The following SCAMP4 variants were observed in gnomAD, a reference collection of about 807,000 sequenced individuals.
SCAMP4 encodes the protein secretory carrier membrane protein 4.
SCAMP4 carries 19 observed loss-of-function variants against 32.1 expected under a neutral mutation model. The observed-to-expected ratio is 0.59, with a 90% CI of 0.41 to 0.87. The LOEUF (loss-of-function observed/expected upper bound fraction) is 0.87. SCAMP4 is among the 40% of genes least tolerant of loss of function. The pLI is 0.00. For synonymous variants in SCAMP4, 152 were observed against 132.7 expected (o/e 1.15, Z -1.00); for missense variants, 302 against 309.0 (o/e 0.98, Z 0.17).
chr19:1,912,398 G>T (rs779532888), intron 1 of SCAMP4: 1 of 1,515,734 alleles, frequency 6.6e-7, no homozygotes, highest in Non-Finnish European at 8.8e-7. Flanking sequence ...GGCCGGCCTC[G>T]GGCCCGCGCT....
At chr19:1,920,605 C>T (rs2013888543) in intron 5 of SCAMP4, 1 of 985,520 alleles carries the variant, frequency 1.0e-6, no homozygotes, top group Non-Finnish European at 1.2e-6. Flanking sequence ...GTGCCTGGGA[C>T]TCCCAGCTCT....
chr19:1,907,353 T>G, intron 1 of SCAMP4, among the ~76,000 whole-genome samples: 1 of 133,760 alleles, frequency 7.5e-6, no homozygotes, highest in Middle Eastern at 4.0e-3. Flanking sequence ...GGCCCCTCCA[T>G]CCCCCCATTT....
intron 6 of SCAMP4, 94 bp downstream of exon 6, chr19:1,923,281 G>T (rs2013978990): frequency 2.7e-6 from 3 of 1,095,362 alleles, no homozygotes; most frequent in Non-Finnish European, 3.9e-6. Context: ...GAGGAGCCGG[G>T]CCCTCTCCCC....
intron 5 of SCAMP4, 59 bp downstream of exon 5, chr19:1,919,049 G>A: frequency 1.3e-6 from 2 of 1,561,020 alleles, no homozygotes; most frequent in East Asian, 2.4e-5. Context: ...CAGGTTGTGG[G>A]CCTGCTGGGA....
At chr19:1,923,279 G>T in intron 6 of SCAMP4, 92 bp downstream of exon 6, 1 of 1,125,604 alleles carries the variant, frequency 8.9e-7, no homozygotes, top group Non-Finnish European at 1.2e-6. Flanking sequence ...TCGAGGAGCC[G>T]GGCCCTCTCC....
At chr19:1,922,953 G>A in intron 5 of SCAMP4, 117 bp from the exon 6 acceptor site, 1 of 1,367,764 alleles carries the variant, frequency 7.3e-7, no homozygotes, top group Non-Finnish European at 9.4e-7. Flanking sequence ...CCTTGTATGA[G>A]CTGTCCACTC....
chr19:1,917,260 C>T (rs978184093), intron 2 of SCAMP4, among the ~76,000 whole-genome samples: 2 of 152,168 alleles, frequency 1.3e-5, no homozygotes, highest in African/African-American at 2.4e-5. Flanking sequence ...GAGCCGAGAT[C>T]GCACCACTGC....
intron 2 of SCAMP4, 70 bp from the exon 3 acceptor site, chr19:1,917,624 G>A (rs775820007): frequency 2.5e-6 from 4 of 1,589,974 alleles, no homozygotes; most frequent in Middle Eastern, 1.7e-4. Context: ...GCCTTGGGTC[G>A]AAGGGATGAG....
chr19:1,912,042 C>G (rs913815353), intron 1 of SCAMP4: 1 of 1,416,620 alleles, frequency 7.1e-7, no homozygotes, highest in East Asian at 2.8e-5. Flanking sequence ...CGCCCGCAGC[C>G]GCCGGATGAT....
chr19:1,916,532 C>CACT (rs1341908760), intron 2 of SCAMP4, among the ~76,000 whole-genome samples: 8 of 152,174 alleles, frequency 5.3e-5, no homozygotes, highest in African/African-American at 1.9e-4. Context: ...GATCATAGCT[C>CACT]ACTGCAGCTT....
intron 1 of SCAMP4, chr19:1,912,086 C>A (rs1221516035): frequency 2.7e-6 from 4 of 1,469,866 alleles, no homozygotes; most frequent in African/African-American, 2.9e-5. Context: ...CACAGTCGGC[C>A]TCGCTGAGGA....
At chr19:1,919,402 C>T (rs1288226305) in intron 5 of SCAMP4, 1 of 985,216 alleles carries the variant, frequency 1.0e-6, no homozygotes, top group East Asian at 1.1e-4. Context: ...GGTGCTGTTA[C>T]CACACCTGAG....
rs1206882549 is a variant in SCAMP4, at chr19:1,922,383, C to T, written c.396-687C>T. On this transcript the variant is annotated intron_variant, in intron 5 of 6. Coordinates refer to ENST00000316097, the MANE Select transcript of SCAMP4 (RefSeq NM_079834.4). ...CCAGATAGCTGGGATTACAGGCATG[C>T]GCCCTCATGCCTGGCTAATTTTTGT... The T allele has an allele frequency of 2.3e-5, 15 of 666,078 alleles. No individual in the cohort carries two copies. The East Asian group carries it at 5.4e-4, about 24-fold the overall frequency. 41.3% of individuals were successfully genotyped at this position (666,078 alleles called of 1,614,324 possible). A position where few individuals can be genotyped will look rare whatever the true frequency, so the allele number is the denominator to read the frequency against.
chr19:1,919,031 T>C, intron 5 of SCAMP4, 41 bp downstream of exon 5: 1 of 1,571,290 alleles, frequency 6.4e-7, no homozygotes, highest in Non-Finnish European at 8.6e-7. Context: ...GTGATGTGGC[T>C]CAGCTGCCAG....
chr19:1,915,825 A>T (rs1364929340), intron 2 of SCAMP4, among the ~76,000 whole-genome samples: 1 of 152,092 alleles, frequency 6.6e-6, no homozygotes, highest in East Asian at 1.9e-4. Context: ...GGGTGCCTGT[A>T]GTCCCAGCTA....
At chr19:1,909,429 G>A (rs952325398) in intron 1 of SCAMP4, among the ~76,000 whole-genome samples, 6 of 152,222 alleles carry the variant, frequency 3.9e-5, no homozygotes, top group Middle Eastern at 3.4e-3. Flanking sequence ...CCAGTGGAGT[G>A]GCCCTACTGC....
Position 1,924,525 on chromosome 19 carries a change from C to A in SCAMP4, c.*241C>A, listed in dbSNP as rs770794299. The A allele has an allele frequency of 5.5e-6, 3 of 547,554 alleles. No individual in the cohort carries two copies. The highest frequency in any genetic ancestry group is 1.9e-5 in the African/African-American group (1 of 52,902). The allele number at this position is 547,554 out of a possible 1,614,324, so 33.9% of individuals were successfully genotyped here. A position where few individuals can be genotyped will look rare whatever the true frequency, so the allele number is the denominator to read the frequency against. ...CCCTTGGCCTCTGCCGTCCACAGGA[C>A]GCCCTCTTGCTCCCGGAAACGTGTG... On this transcript the variant is annotated 3_prime_UTR_variant, in exon 7 of 7. Coordinates refer to ENST00000316097, the MANE Select transcript of SCAMP4 (RefSeq NM_079834.4).
At chr19:1,916,903 G>T (rs1041929016) in intron 2 of SCAMP4, among the ~76,000 whole-genome samples, 1 of 152,236 alleles carries the variant, frequency 6.6e-6, no homozygotes, top group Non-Finnish European at 1.5e-5. Context: ...CTGCCGGAGG[G>T]AATGATACTA....
intron 5 of SCAMP4, chr19:1,920,872 C>A: frequency 2.0e-6 from 2 of 985,502 alleles, no homozygotes; most frequent in Non-Finnish European, 2.4e-6. Flanking sequence ...ACATGTGACC[C>A]TCAGAGACCT....
Sources: allele counts gnomAD v4.1 joint callset (sites outside exome capture counted in the v4.1 genomes callset), GRCh38; gene constraint gnomAD v4.1.1; transcripts MANE v1.5; gene names NCBI Gene and HGNC (gene_info 2026-07-23, HGNC 2026-07-21).